The following FRMPD4 variants were observed in gnomAD, a reference collection of about 807,000 sequenced individuals.
FRMPD4 encodes the protein FERM and PDZ domain containing 4.
A neutral mutation model predicts 94.1 loss-of-function variants in FRMPD4; 22 were observed. The observed-to-expected ratio is 0.23, with a 90% CI of 0.17 to 0.33. The LOEUF (loss-of-function observed/expected upper bound fraction) is 0.33, where lower values mean the gene tolerates loss of function less well. Among genes scored for constraint, FRMPD4 ranks in the 10% least tolerant of loss-of-function variants. FRMPD4 has a pLI of 1.00. For missense variants in FRMPD4, 1,111 were observed against 1,339.9 expected (o/e 0.83, Z 2.67); for synonymous variants, 631 against 548.6 (o/e 1.15, Z -2.10).
At chrX:12,715,998 G>GCCGGGGGGCCCCCCCCCC in intron 14 of FRMPD4, 71 bp from the exon 15 acceptor site, 1 of 383,858 alleles carries the variant, frequency 2.6e-6, no homozygotes, top group East Asian at 4.2e-5. Flanking sequence ...ACAGAGACGA[G>GCCGGGGGGCCCCCCCCCC]CCTCCCACCC....
chrX:11,886,335 G>A (rs768807073), intron 3 of FRMPD4, among the ~76,000 whole-genome samples: 12 of 111,768 alleles, frequency 1.1e-4, no homozygotes, highest in Non-Finnish European at 1.9e-4. Context: ...GGGGAAATAC[G>A]TTGAAATTAC....
chrX:12,102,964 C>G (rs770982621), intron 3 of FRMPD4, among the ~76,000 whole-genome samples: 1 of 111,237 alleles, frequency 9.0e-6, no homozygotes, highest in African/African-American at 3.3e-5. Context: ...AGATGGATGG[C>G]TTTTTTCTTA....
chrX:12,240,155 G>T (rs757705141), intron 1 of FRMPD4, among the ~76,000 whole-genome samples: 1 of 112,492 alleles, frequency 8.9e-6, no homozygotes, highest in Admixed American at 9.4e-5. Flanking sequence ...ATTGTCTATG[G>T]CTGCATTTGT....
At position 12,717,876 on chromosome X, in the gene FRMPD4, G is replaced by A; in HGVS notation, c.3050G>A (p.Gly1017Glu). 1 of 1,211,710 alleles carries A rather than the reference G, an allele frequency of 8.3e-7. No individual in the cohort carries two copies. Among genetic ancestry groups the A allele is most frequent in the Non-Finnish European group, 1.1e-6 (1 of 895,289 alleles). ...GACTATTTTAGCAAACTGCACATGG[G>A]GTCGGTGGCATACTCCTGCACTAGC... is the stretch of plus-strand genomic sequence containing the variant. ...VTDYFSKLHM[G>E]SVAYSCTSKR... is the part of the protein sequence containing the mutation. Residue 1017 changes from glycine to glutamate, a missense_variant, in exon 16 of 17, where the codon GGG (glycine) becomes GAG (glutamate). Transcript: ENST00000675598.
At chrX:12,662,623 C>T (rs765791028) in intron 4 of FRMPD4, among the ~76,000 whole-genome samples, 7 of 112,308 alleles carry the variant, frequency 6.2e-5, no homozygotes, top group Non-Finnish European at 1.1e-4. Context: ...TGGGTTGGTT[C>T]CAAGCCTTTG....
chrX:12,169,331 G>A (rs1179485711), intron 1 of FRMPD4, among the ~76,000 whole-genome samples: 4 of 112,026 alleles, frequency 3.6e-5, no homozygotes, highest in African/African-American at 9.7e-5. Context: ...TTTCTGGACT[G>A]GCCAATAATC....
At chrX:12,108,196 G>A (rs1434980087) in intron 3 of FRMPD4, among the ~76,000 whole-genome samples, 5 of 111,755 alleles carry the variant, frequency 4.5e-5, no homozygotes, top group Non-Finnish European at 7.5e-5. Context: ...ACCCACAAAG[G>A]GAAGCCCATC....
intron 1 of FRMPD4, among the ~76,000 whole-genome samples, chrX:11,857,353 G>GA (rs985093095): frequency 8.2e-5 from 9 of 110,066 alleles, no homozygotes; most frequent in African/African-American, 2.3e-4. Context: ...CTGGTACAAA[G>GA]AAAAAAAAGA....
At chrX:11,861,407 T>G in intron 1 of FRMPD4, among the ~76,000 whole-genome samples, 1 of 110,851 alleles carries the variant, frequency 9.0e-6, no homozygotes, top group Non-Finnish European at 1.9e-5. Context: ...GGTTTGATAG[T>G]TCCTGCTTAT....
intron 1 of FRMPD4, among the ~76,000 whole-genome samples, chrX:12,405,289 T>C (rs1403927317): frequency 5.4e-5 from 6 of 111,648 alleles, no homozygotes; most frequent in Admixed American, 9.5e-5. Context: ...GGAGAACTCA[T>C]AGAAAGAAGG....
At chrX:12,230,079 T>A (rs1255253943) in intron 1 of FRMPD4, among the ~76,000 whole-genome samples, 1 of 111,438 alleles carries the variant, frequency 9.0e-6, no homozygotes. Context: ...CCATGCCTTC[T>A]TCTTCTTGCT....
At chrX:12,385,207 C>A (rs950908513) in intron 1 of FRMPD4, among the ~76,000 whole-genome samples, 1 of 112,825 alleles carries the variant, frequency 8.9e-6, no homozygotes, top group Admixed American at 9.4e-5. Flanking sequence ...AGACACTGGG[C>A]TAGAAGTCGG....
chrX:12,475,310 T>A (rs1380087422), intron 1 of FRMPD4, among the ~76,000 whole-genome samples: 1 of 111,948 alleles, frequency 8.9e-6, no homozygotes, highest in Non-Finnish European at 1.9e-5. Flanking sequence ...ATGGGACGTA[T>A]CTCAAAATAA....
At chrX:12,195,462 G>A (rs1447541028) in intron 1 of FRMPD4, among the ~76,000 whole-genome samples, 3 of 112,209 alleles carry the variant, frequency 2.7e-5, no homozygotes, top group African/African-American at 9.7e-5. Flanking sequence ...TTTGTCCCTG[G>A]ATGAGGCCAC....
At chrX:11,951,252 C>A (rs1304424589) in intron 3 of FRMPD4, among the ~76,000 whole-genome samples, 1 of 110,400 alleles carries the variant, frequency 9.1e-6, no homozygotes, top group Admixed American at 9.7e-5. Context: ...TTACATACCC[C>A]CCAAAAATAT....
chrX:12,500,882 G>A lies in FRMPD4; in HGVS notation c.158+2086G>A, dbSNP rs150859801. ...TCAGTTAAGGTGAACTAGATGCTTT[G>A]ACTCAAAACAATAAAAATTTTGGGC... On this transcript the variant is annotated intron_variant, in intron 2 of 16. Coordinates refer to ENST00000675598, the MANE Select transcript of FRMPD4 (RefSeq NM_001368397.1). Among the ~76,000 whole-genome samples the A allele has an allele frequency of 4.1e-3, 462 of 112,234 alleles. 1 individual carries two copies. The highest frequency in any genetic ancestry group is 6.6e-3 in the Non-Finnish European group (351 of 53,246).
chrX:12,669,428 C>G (rs958175896), intron 4 of FRMPD4, among the ~76,000 whole-genome samples: 4 of 82,412 alleles, frequency 4.9e-5, no homozygotes, highest in African/African-American at 1.6e-4. Context: ...CTAAGCCATG[C>G]TTATATTTCT....
intron 2 of FRMPD4, among the ~76,000 whole-genome samples, chrX:12,501,362 A>G (rs5978539): frequency 0.04 from 4,491 of 112,058 alleles, 241 homozygotes; most frequent in African/African-American, 0.14. Context: ...GATGTCAAGA[A>G]CAGTATTTCT....
intron 1 of FRMPD4, among the ~76,000 whole-genome samples, chrX:12,233,521 T>C (rs2057035773): frequency 8.9e-6 from 1 of 111,878 alleles, no homozygotes; most frequent in South Asian, 3.8e-4. Flanking sequence ...TGAACCATGT[T>C]ACACCATGAG....
Sources: allele counts gnomAD v4.1 joint callset (sites outside exome capture counted in the v4.1 genomes callset), GRCh38; gene constraint gnomAD v4.1.1; transcripts MANE v1.5; gene names NCBI Gene and HGNC (gene_info 2026-07-23, HGNC 2026-07-21).